The following ZNF287 variants were observed in gnomAD, a reference collection of about 807,000 sequenced individuals.
The protein encoded by ZNF287 is zinc finger protein 287.
In ZNF287, 31 loss-of-function variants were observed where a neutral mutation model predicts 73.7. The observed-to-expected ratio is 0.42, with a 90% CI of 0.32 to 0.57. The LOEUF (loss-of-function observed/expected upper bound fraction) is 0.57. Among genes scored for constraint, ZNF287 ranks in the 20% least tolerant of loss-of-function variants. The pLI, the probability that ZNF287 is intolerant of heterozygous loss-of-function variation, is 0.13. For synonymous variants in ZNF287, 301 were observed against 307.2 expected (o/e 0.98, Z 0.21); for missense variants, 641 against 909.3 (o/e 0.70, Z 3.79).
Position 16,547,518 on chromosome 17 carries a change from T to G in ZNF287, c.*4338A>C, listed in dbSNP as rs1906343816. ...ATTTAGTTGTTTGCACCCGAAAGTTTATCCCAGTTATGTAATTATATCCCT... is the reference window on the plus strand; with the variant it reads ...ATTTAGTTGTTTGCACCCGAAAGTTGATCCCAGTTATGTAATTATATCCCT... On this transcript the variant is annotated 3_prime_UTR_variant, in exon 6 of 6. Transcript: ENST00000395825. 1.3e-5 allele frequency among the ~76,000 whole-genome samples: 2 copies of G among 152,218 alleles called. No homozygotes were observed. Among genetic ancestry groups the G allele is most frequent in the African/African-American group, 4.8e-5 (2 of 41,456 alleles).
In ZNF287 at chr17:16,551,871, G is replaced by A. The variant is rs1457136612; in HGVS notation, c.2271C>T (p.Ala757=). Residue 757 remains alanine, a synonymous_variant, in exon 6 of 6, where the codon GCC becomes GCT. Coordinates refer to ENST00000395825, the MANE Select transcript of ZNF287 (RefSeq NM_020653.4). ...LIQHQRVHTG[A]KHRN is the part of the protein sequence containing the mutation. ...CCCTTATCCATTAATTACGATGTTT[G>A]GCACCTGTATGAACACGTTGATGCT... 6.3e-7 allele frequency: 1 copy of A among 1,579,926 alleles called. No individual in the cohort carries two copies. The highest frequency in any genetic ancestry group is 1.2e-5 in the South Asian group (1 of 86,280).
In ZNF287 at chr17:16,547,482, T is replaced by C. The variant is rs990549843; in HGVS notation, c.*4374A>G. Among the ~76,000 whole-genome samples, 2 of 152,226 alleles carry C rather than the reference T, an allele frequency of 1.3e-5. No homozygotes were observed. Among genetic ancestry groups the C allele is most frequent in the African/African-American group, 4.8e-5 (2 of 41,472 alleles). ...AAGTGTTCTCTCCAATTTAGGTGCA[T>C]GCTTAACAAGATTTAGTTGTTTGCA... On this transcript the variant is annotated 3_prime_UTR_variant, in exon 6 of 6. Coordinates refer to ENST00000395825, the MANE Select transcript of ZNF287 (RefSeq NM_020653.4).
chr17:16,552,993 G>T lies in ZNF287; in HGVS notation c.1149C>A (p.Leu383=), dbSNP rs1160153220. The change falls in exon 6 of 6, where the codon CTC becomes CTA. Residue 383 remains leucine, a synonymous_variant. Coordinates refer to ENST00000395825, the MANE Select transcript of ZNF287 (RefSeq NM_020653.4). This position sits in a 1 kb window ranked among gnomAD's most constrained non-coding sequence, Gnocchi z 6.5. ...TGGCATGGGTACTTTGGTGTTTCAGGAGGGATGGGTATTTCCTAAATTTTT... is the reference window on the plus strand; with the variant it reads ...TGGCATGGGTACTTTGGTGTTTCAGTAGGGATGGGTATTTCCTAAATTTTT... ...CGKKFRKYPS[L]LKHQSTHAKE... 1.9e-6 allele frequency: 3 copies of T among 1,613,964 alleles called. No homozygotes were observed. The Admixed American group carries it at 5.0e-5, about 27-fold the overall frequency.
chr17:16,556,285 T>G (rs537854335), intron 5 of ZNF287, among the ~76,000 whole-genome samples: 1 of 152,298 alleles, frequency 6.6e-6, no homozygotes, highest in African/African-American at 2.4e-5. Context: ...AAATTACTTT[T>G]TTTACTTTTA....
rs148356389 is a variant in ZNF287, at chr17:16,559,572, A to AACACACACACACACAC, written c.715+3558_715+3573dup. On this transcript the variant is annotated intron_variant, in intron 5 of 5. Coordinates refer to ENST00000395825, the MANE Select transcript of ZNF287 (RefSeq NM_020653.4). ...TATGAACTCCTGACTTAAAAGAACT[A>AACACACACACACACAC]ACACACACACACACACACACACACA... is the stretch of plus-strand genomic sequence containing the variant. Among the ~76,000 whole-genome samples, 726 of 147,462 alleles carry AACACACACACACACAC rather than the reference A, an allele frequency of 4.9e-3. 12 individuals carry two copies. The highest frequency in any genetic ancestry group is 0.017 in the African/African-American group (677 of 39,720).
chr17:16,550,977 C>T lies in ZNF287; in HGVS notation c.*879G>A, dbSNP rs567351890. ...TTGCCTGTTTAACTAAATCTCTACA[C>T]ATCTAATGTTATATACACATTAGTT... On this transcript the variant is annotated 3_prime_UTR_variant, in exon 6 of 6. Coordinates refer to ENST00000395825, the MANE Select transcript of ZNF287 (RefSeq NM_020653.4). Among the ~76,000 whole-genome samples the T allele has an allele frequency of 3.3e-5, 5 of 151,916 alleles. No individual in the cohort carries two copies. The highest frequency in any genetic ancestry group is 7.3e-5 in the Non-Finnish European group (5 of 68,028).
In ZNF287 at chr17:16,552,225, C is replaced by T. The variant is rs745336057; in HGVS notation, c.1917G>A (p.Gln639=). ...AGGGTTTTTCTCCATTATGAATCCT[C>T]TGATGTTGAGTAAGGTGCACACTCT... ...FSQSVHLTQH[Q]RIHNGEKPFK... Residue 639 remains glutamine, a synonymous_variant, in exon 6 of 6, where the codon CAG becomes CAA. Transcript: ENST00000395825. The surrounding 1 kb of genome is among the most constrained non-coding windows in gnomAD (Gnocchi z 6.5). The T allele has an allele frequency of 2.5e-6, 4 of 1,614,008 alleles. No homozygotes were observed. The South Asian group carries it at 3.3e-5, about 13-fold the overall frequency.
At position 16,563,787 on chromosome 17, in the gene ZNF287, G is replaced by A; in HGVS notation, c.540C>T (p.Thr180=). ...GACGCATTAACTCCCAGTCCTCCTG[G>A]GTGATGTCTACAGCCACATCTTTGA... ...MTFKDVAVDI[T]QEDWELMRPV... Residue 180 remains threonine (T), a synonymous_variant, in exon 4 of 6, where the codon ACC becomes ACT. Transcript: ENST00000395825. 6.2e-7 allele frequency: 1 copy of A among 1,613,818 alleles called. No individual in the cohort carries two copies. The highest frequency in any genetic ancestry group is 1.3e-5 in the African/African-American group (1 of 75,020).
At position 16,550,000 on chromosome 17, in the gene ZNF287, C is replaced by T. The variant is rs1477831409; in HGVS notation, c.*1856G>A. ...TTAATTCAACCATGTATTGACCATGCACTATTATGCAAGGGACTGGAGAAA... is the reference window on the plus strand; with the variant it reads ...TTAATTCAACCATGTATTGACCATGTACTATTATGCAAGGGACTGGAGAAA... On this transcript the variant is annotated 3_prime_UTR_variant, in exon 6 of 6. Transcript: ENST00000395825. 1.3e-5 allele frequency among the ~76,000 whole-genome samples: 2 copies of T among 152,140 alleles called. No homozygotes were observed. Among genetic ancestry groups the T allele is most frequent in the Non-Finnish European group, 2.9e-5 (2 of 68,034 alleles).
At chr17:16,560,965 T>C (rs1907415889) in intron 5 of ZNF287, among the ~76,000 whole-genome samples, 1 of 149,398 alleles carries the variant, frequency 6.7e-6, no homozygotes, top group Non-Finnish European at 1.5e-5. Flanking sequence ...GTCCCCCCAC[T>C]GCACTCCAAC....
rs1314063680 is a variant in ZNF287, at chr17:16,547,215, A to G, written c.*4641T>C. ...AGGATTAATATTTAGATCTTACCAG[A>G]AATCTGCCTTAAGAGATGTGATGGG... On this transcript the variant is annotated 3_prime_UTR_variant, in exon 6 of 6. Coordinates refer to ENST00000395825, the MANE Select transcript of ZNF287 (RefSeq NM_020653.4). Among the ~76,000 whole-genome samples, 1 of 152,250 alleles carries G rather than the reference A, an allele frequency of 6.6e-6. No individual in the cohort carries two copies. Among genetic ancestry groups the G allele is most frequent in the Non-Finnish European group, 1.5e-5 (1 of 68,048 alleles).
At chr17:16,563,278 T>C in intron 4 of ZNF287, 46 bp from the exon 5 acceptor site, 1 of 1,447,632 alleles carries the variant, frequency 6.9e-7, no homozygotes, top group Non-Finnish European at 9.5e-7. Flanking sequence ...GATAAATGGT[T>C]GCTCAAAGTT....
Position 16,551,732 on chromosome 17 carries a change from T to C in ZNF287, c.*124A>G, listed in dbSNP as rs1028306643. 5 of 1,034,704 alleles carry C rather than the reference T, an allele frequency of 4.8e-6. No individual in the cohort carries two copies. The African/African-American group carries it at 8.0e-5, about 17-fold the overall frequency. The allele number at this position is 1,034,704 out of a possible 1,614,324, so 64.1% of individuals were successfully genotyped here. A position where few individuals can be genotyped will look rare whatever the true frequency, so the allele number is the denominator to read the frequency against. ...GTTATATCCATACCACTACTTCTGA[T>C]ACTTCTGCTGAGTATCTAACATATT... On this transcript the variant is annotated 3_prime_UTR_variant, in exon 6 of 6. Coordinates refer to ENST00000395825, the MANE Select transcript of ZNF287 (RefSeq NM_020653.4).
In ZNF287 at chr17:16,553,426, T is replaced by G; in HGVS notation, c.716A>C (p.Glu239Ala). 2 of 1,477,754 alleles carry G rather than the reference T, an allele frequency of 1.4e-6. No individual in the cohort carries two copies. The highest frequency in any genetic ancestry group is 1.8e-6 in the Non-Finnish European group (2 of 1,113,698). The allele number at this position is 1,477,754 out of a possible 1,614,324, so 91.5% of individuals were successfully genotyped here. A position where few individuals can be genotyped will look rare whatever the true frequency, so the allele number is the denominator to read the frequency against. The stretch of plus-strand genomic sequence containing the variant: ...ACATGCTTGGGCTTTAGTTTCCCAT[T>G]CTGAAATAAAAAATATATTAAAAAA... Reference protein sequence around the residue: ...IKEILEGPSPEWETKAQACTP... With the variant: ...IKEILEGPSPAWETKAQACTP... Residue 239 changes from glutamate (E) to alanine (A), a missense_variant and splice_region_variant, in exon 6 of 6, where the codon GAA (glutamate) becomes GCA (alanine). By Grantham distance (107) the Glu-to-Ala change is moderately radical (BLOSUM62 -1). Coordinates refer to ENST00000395825, the MANE Select transcript of ZNF287 (RefSeq NM_020653.4).
At position 16,551,642 on chromosome 17, in the gene ZNF287, AATC is replaced by A; in HGVS notation, c.*211_*213del. 2.0e-6 allele frequency: 1 copy of A among 498,618 alleles called. No homozygotes were observed. Among genetic ancestry groups the A allele is most frequent in the Non-Finnish European group, 3.5e-6 (1 of 289,730 alleles). The allele number at this position is 498,618 out of a possible 1,614,324, so 30.9% of individuals were successfully genotyped here. ...AGGGTTTCTTTCTGTAATGAATTAA[AATC>A]ATATCAAATTAAGGTTAAGAAGTCA... On this transcript the variant is annotated 3_prime_UTR_variant, in exon 6 of 6. Transcript: ENST00000395825.
intron 4 of ZNF287, 41 bp from the exon 5 acceptor site, chr17:16,563,273 A>G: frequency 6.8e-7 from 1 of 1,479,708 alleles, no homozygotes; most frequent in Non-Finnish European, 9.3e-7. Context: ...CTGGAGATAA[A>G]TGGTTGCTCA....
At chr17:16,567,976 C>A in intron 1 of ZNF287, 47 bp from the exon 2 acceptor site, 2 of 1,361,284 alleles carry the variant, frequency 1.5e-6, no homozygotes, top group Non-Finnish European at 9.4e-7. Context: ...CTGGTGTACT[C>A]TACTATACAT....
At position 16,552,432 on chromosome 17, in the gene ZNF287, T is replaced by C; in HGVS notation, c.1710A>G (p.Gly570=). ...GGGTTGAGGAATGAGCAAAGGCTTT[T>C]CCACATTCATTACATTTATAACACT... ...GEKCYKCNEC[G]KAFAHSSTLI... The change falls in exon 6 of 6, where the codon GGA becomes GGG. Residue 570 remains glycine, a synonymous_variant. Coordinates refer to ENST00000395825, the MANE Select transcript of ZNF287 (RefSeq NM_020653.4). This position sits in a 1 kb window ranked among gnomAD's most constrained non-coding sequence, Gnocchi z 6.5. 1 of 1,614,060 alleles carries C rather than the reference T, an allele frequency of 6.2e-7. No individual in the cohort carries two copies. The highest frequency in any genetic ancestry group is 8.5e-7 in the Non-Finnish European group (1 of 1,179,978).
At chr17:16,556,161 C>T (rs1450929269) in intron 5 of ZNF287, among the ~76,000 whole-genome samples, 9 of 150,420 alleles carry the variant, frequency 6.0e-5, no homozygotes, top group Non-Finnish European at 1.0e-4. Flanking sequence ...TACAGACAGA[C>T]ACAGACACAC....
Sources: allele counts gnomAD v4.1 joint callset (sites outside exome capture counted in the v4.1 genomes callset), GRCh38; gene constraint gnomAD v4.1.1; non-coding constraint Gnocchi (gnomAD v3.1); transcripts MANE v1.5; gene names NCBI Gene and HGNC (gene_info 2026-07-23, HGNC 2026-07-21).